The following DNAH6 variants were observed in gnomAD, a reference collection of about 807,000 sequenced individuals.
DNAH6 encodes dynein axonemal heavy chain 6, also known as axonemal beta dynein heavy chain 6.
In DNAH6, 340 loss-of-function variants were observed where a neutral mutation model predicts 491.4. The ratio of observed to expected loss-of-function variants is 0.69; its 90% CI spans 0.63 to 0.76. The LOEUF (loss-of-function observed/expected upper bound fraction) is 0.76. DNAH6 is among the 30% of genes least tolerant of loss of function. The pLI is 0.00. For synonymous variants in DNAH6, 1,603 were observed against 1,686.1 expected, an observed-to-expected ratio of 0.95 and a Z score of 1.21; for missense variants, 4,443 against 4,972.2, an observed-to-expected ratio of 0.89 and a Z score of 3.20.
chr2:84,502,081 C>T, the DNAH6 span, among the ~76,000 whole-genome samples: 1 of 152,010 alleles, frequency 6.6e-6, no homozygotes, highest in Non-Finnish European at 1.5e-5. Context: ...ATTTGGCTTA[C>T]TCTTGATTTT....
At chr2:84,759,796 C>G (rs1674393638) in intron 63 of DNAH6, among the ~76,000 whole-genome samples, 1 of 151,954 alleles carries the variant, frequency 6.6e-6, no homozygotes, top group Non-Finnish European at 1.5e-5. Context: ...AAAAAGACCC[C>G]AAATAGCCAA....
At chr2:84,686,674 A>G in intron 44 of DNAH6, 117 bp downstream of exon 44, 1 of 625,332 alleles carries the variant, frequency 1.6e-6, no homozygotes, top group Non-Finnish European at 2.7e-6. Flanking sequence ...GATCTAGGCC[A>G]GATGTCAGCA....
chr2:84,796,904 A>G (rs1678410631), intron 69 of DNAH6, among the ~76,000 whole-genome samples: 1 of 152,200 alleles, frequency 6.6e-6, no homozygotes, highest in Non-Finnish European at 1.5e-5. Context: ...AATGTCTATT[A>G]CAGCAAGTTG....
At chr2:84,466,022 T>C in the DNAH6 span, among the ~76,000 whole-genome samples, 2 of 152,242 alleles carry the variant, frequency 1.3e-5, no homozygotes, top group African/African-American at 4.8e-5. Context: ...ATAAGACTTT[T>C]TTAAAGCCGA....
At chr2:84,564,153 T>C (rs1301996763) in intron 11 of DNAH6, among the ~76,000 whole-genome samples, 1 of 152,212 alleles carries the variant, frequency 6.6e-6, no homozygotes, top group African/African-American at 2.4e-5. Flanking sequence ...TTTGTTGTTT[T>C]TGGTTAGAAT....
intron 61 of DNAH6, among the ~76,000 whole-genome samples, chr2:84,731,171 C>G (rs1165197906): frequency 2.0e-5 from 3 of 152,208 alleles, no homozygotes; most frequent in African/African-American, 4.8e-5. Flanking sequence ...CTGCTCCCAG[C>G]TTAGTGAGAT....
chr2:84,740,780 C>T (rs1337529700), intron 62 of DNAH6, among the ~76,000 whole-genome samples: 2 of 152,180 alleles, frequency 1.3e-5, no homozygotes, highest in African/African-American at 2.4e-5. Context: ...AAGTCTTGCC[C>T]TCTGGGAAAA....
chr2:84,817,436 G>A (rs80194128), intron 76 of DNAH6, among the ~76,000 whole-genome samples: 4,137 of 152,176 alleles, frequency 0.027, 206 homozygotes, highest in African/African-American at 0.095. Context: ...ATACAGAGGC[G>A]CTAAATTAAT....
chr2:84,620,185 G>T (rs374008925), intron 24 of DNAH6, among the ~76,000 whole-genome samples: 2 of 152,154 alleles, frequency 1.3e-5, no homozygotes, highest in African/African-American at 4.8e-5. Flanking sequence ...CAAGAGGCAC[G>T]CTAGTGGACT....
chr2:84,495,980 A>T, the DNAH6 span, among the ~76,000 whole-genome samples: 1 of 152,218 alleles, frequency 6.6e-6, no homozygotes. Flanking sequence ...GCCAAGGCTG[A>T]AGAGACATTA....
chr2:84,757,102 A>G (rs1341260938), intron 63 of DNAH6, among the ~76,000 whole-genome samples: 1 of 152,198 alleles, frequency 6.6e-6, no homozygotes, highest in Non-Finnish European at 1.5e-5. Context: ...ATTATAAGAA[A>G]TCCAAGCCAT....
intron 8 of DNAH6, 98 bp downstream of exon 8, chr2:84,548,515 A>G (rs1429086103): frequency 2.2e-6 from 3 of 1,354,320 alleles, no homozygotes; most frequent in Non-Finnish European, 3.1e-6. Context: ...AATTTGCATA[A>G]CTGAAGTAAT....
chr2:84,507,550 C>T, the DNAH6 span, among the ~76,000 whole-genome samples: 7 of 152,072 alleles, frequency 4.6e-5, no homozygotes, highest in African/African-American at 1.7e-4. Flanking sequence ...TAATTGAATA[C>T]CCTTTATTTC....
chr2:84,646,955 C>T (rs377734067), intron 33 of DNAH6, among the ~76,000 whole-genome samples: 18 of 152,188 alleles, frequency 1.2e-4, no homozygotes, highest in African/African-American at 4.3e-4. Context: ...TCAAGCAATT[C>T]TCCTGCCTCA....
rs1283866482 is a variant in DNAH6 at position 84,670,312 on chromosome 2, C to G, written c.6307-16C>G. Reference sequence around the variant, plus strand: ...GTTATATTCATGTGACATTAATTAACTTATTTTAATTTAAGTCTGTGATTG... The same window carrying G: ...GTTATATTCATGTGACATTAATTAAGTTATTTTAATTTAAGTCTGTGATTG... On this transcript the variant is annotated splice_polypyrimidine_tract_variant and intron_variant, in intron 38 of 76. Coordinates refer to ENST00000389394, the MANE Select transcript of DNAH6 (RefSeq NM_001370.2). 6.8e-7 allele frequency: 1 copy of G among 1,478,058 alleles called. No homozygotes were observed. Among genetic ancestry groups the G allele is most frequent in the Non-Finnish European group, 9.2e-7 (1 of 1,091,514 alleles). 91.6% of individuals were successfully genotyped at this position (1,478,058 alleles called of 1,614,324 possible).
intron 4 of DNAH6, among the ~76,000 whole-genome samples, chr2:84,540,441 G>A (rs1364228124): frequency 6.6e-6 from 1 of 152,128 alleles, no homozygotes; most frequent in East Asian, 1.9e-4. Flanking sequence ...GTTTAAGGAT[G>A]AATAGAAGCA....
chr2:84,514,532 G>A (rs1675459359), upstream of DNAH6, among the ~76,000 whole-genome samples: 1 of 152,160 alleles, frequency 6.6e-6, no homozygotes, highest in Admixed American at 6.5e-5. Context: ...GAACTTGTGA[G>A]TAACCATTTG....
intron 11 of DNAH6, among the ~76,000 whole-genome samples, chr2:84,569,486 C>A (rs186879459): frequency 1.7e-4 from 26 of 151,942 alleles, no homozygotes; most frequent in Admixed American, 1.5e-3. Context: ...CTTAAAAAAT[C>A]AACAAAATGG....
intron 37 of DNAH6, among the ~76,000 whole-genome samples, chr2:84,661,146 A>G (rs577848376): frequency 4.6e-5 from 7 of 152,252 alleles, no homozygotes; most frequent in African/African-American, 1.7e-4. Flanking sequence ...GGCTATTAAA[A>G]TAGCCTATTT....
Sources: gnomAD v4.1 joint callset for allele counts (sites outside exome capture counted in the v4.1 genomes callset) on GRCh38, gnomAD v4.1.1 for gene constraint, MANE v1.5 for transcripts, NCBI Gene and HGNC (gene_info 2026-07-23, HGNC 2026-07-21) for gene names.